CNOT1: variants seen among roughly 807,000 people sequenced by gnomAD.
CNOT1 encodes CCR4-associated factor 1.
In CNOT1, 15 loss-of-function variants were observed where a neutral mutation model predicts 273.8. That is an observed-to-expected ratio of 0.05 (90% confidence interval 0.04 to 0.08). CNOT1 has a LOEUF of 0.08. Among genes scored for constraint, CNOT1 ranks in the 10% least tolerant of loss-of-function variants. The probability of loss-of-function intolerance (pLI) is 1.00; values close to 1 mark genes in which losing one functional copy is unlikely to be tolerated. For missense variants in CNOT1, 1,644 were observed against 2,912.2 expected (o/e 0.56, Z 10.02); for synonymous variants, 1,022 against 1,005.5 (o/e 1.02, Z -0.31).
rs747169412 is a variant in CNOT1, at chr16:58,574,751, T to A, written c.1837A>T (p.Ile613Phe). The part of the protein sequence containing the change: ...DKIREHGEPF[I>F]QACMTFLKRR... ...TTTAAAAAAGTCATACACGCCTGGA[T>A]AAAAGGCTCCTGAAGAATAGAAAAG... is the stretch of plus-strand genomic sequence containing the variant. Residue 613 changes from isoleucine (I) to phenylalanine (F), a missense_variant, in exon 16 of 49, where the codon ATC becomes TTC. Ile to Phe is a conservative substitution (Grantham distance 21, BLOSUM62 0). Transcript: ENST00000317147. 2 of 1,593,990 alleles carry A rather than the reference T, an allele frequency of 1.3e-6. No homozygotes were observed. Among genetic ancestry groups the A allele is most frequent in the Non-Finnish European group, 1.7e-6 (2 of 1,175,848 alleles).
Position 58,558,692 on chromosome 16 carries a change from A to C in CNOT1, c.2131-18T>G, listed in dbSNP as rs1199243791. 6.2e-7 allele frequency: 1 copy of C among 1,608,636 alleles called. No homozygotes were observed. Among genetic ancestry groups the C allele is most frequent in the Non-Finnish European group, 8.5e-7 (1 of 1,177,254 alleles). On this transcript the variant is annotated intron_variant, in intron 17 of 48. Coordinates refer to ENST00000317147, the MANE Select transcript of CNOT1 (RefSeq NM_016284.5). ...GGGTCAATCTAAAGAAAAACATTAT[A>C]AAAATGTATTAAACATACTTCGAGG...
At chr16:58,606,802 TC>T (rs1233567319) in intron 1 of CNOT1, among the ~76,000 whole-genome samples, 1 of 147,396 alleles carries the variant, frequency 6.8e-6, no homozygotes, top group Admixed American at 6.8e-5. Context: ...AGACACCGTA[TC>T]AAAAAAAAAG....
At position 58,547,055 on chromosome 16, in the gene CNOT1, A is replaced by G. The variant is rs1231346718; in HGVS notation, c.3750+131T>C. 1.5e-6 allele frequency: 2 copies of G among 1,294,814 alleles called. No homozygotes were observed. The highest frequency in any genetic ancestry group is 5.0e-5 in the East Asian group (2 of 40,206). The allele number at this position is 1,294,814 out of a possible 1,614,324, so 80.2% of individuals were successfully genotyped here. A position where few individuals can be genotyped will look rare whatever the true frequency, so the allele number is the denominator to read the frequency against. ...ACCCAGCCTCTCAAATTGGAAATCCAAGTGCCATAGAGGAAAACAGACTTA... is the reference window on the plus strand; with the variant it reads ...ACCCAGCCTCTCAAATTGGAAATCCGAGTGCCATAGAGGAAAACAGACTTA... On this transcript the variant is annotated intron_variant, in intron 27 of 48. Coordinates refer to ENST00000317147, the MANE Select transcript of CNOT1 (RefSeq NM_016284.5). This position sits in a 1 kb window ranked among gnomAD's most constrained non-coding sequence, Gnocchi z 4.0.
At chr16:58,557,622 CACA>C (rs1365215410) in intron 18 of CNOT1, among the ~76,000 whole-genome samples, 3 of 65,234 alleles carry the variant, frequency 4.6e-5, no homozygotes, top group African/African-American at 2.5e-4. Context: ...TACAAACAAC[CACA>C]ACAACAACAA....
chr16:58,601,676 CAT>C (rs1597568918), intron 1 of CNOT1, among the ~76,000 whole-genome samples: 1 of 141,786 alleles, frequency 7.1e-6, no homozygotes, highest in African/African-American at 2.6e-5. Flanking sequence ...ATAAAGGATA[CAT>C]AGTTTTATGT....
At chr16:58,532,617 C>T (rs758200687) in intron 40 of CNOT1, 5 of 705,618 alleles carry the variant, frequency 7.1e-6, no homozygotes, top group Non-Finnish European at 1.1e-5. Flanking sequence ...ATCCTTGGAC[C>T]ACACCTGAAT....
intron 4 of CNOT1, 68 bp downstream of exon 4, chr16:58,587,712 C>CAAGGCTTAGGGACTTTTTAGA: frequency 1.3e-6 from 2 of 1,517,884 alleles, no homozygotes; most frequent in South Asian, 2.4e-5. Context: ...ATTATGAGAT[C>CAAGGCTTAGGGACTTTTTAGA]AAGGCTTAGG....
chr16:58,565,972 G>C (rs1323448378), intron 16 of CNOT1, among the ~76,000 whole-genome samples: 1 of 146,552 alleles, frequency 6.8e-6, no homozygotes, highest in Non-Finnish European at 1.5e-5. Flanking sequence ...CAGTTGTTTT[G>C]TAGAATGTCC....
At chr16:58,585,839 T>C (rs2041814938) in intron 7 of CNOT1, among the ~76,000 whole-genome samples, 1 of 152,076 alleles carries the variant, frequency 6.6e-6, no homozygotes. Flanking sequence ...AAACAAACAA[T>C]TAGAATATCA....
At chr16:58,586,873 T>G (rs2041890559) in intron 6 of CNOT1, 125 bp from the exon 7 acceptor site, 1 of 1,121,276 alleles carries the variant, frequency 8.9e-7, no homozygotes, top group East Asian at 2.4e-5. Flanking sequence ...TCTCTAATGC[T>G]TTCTCTAGCT....
At chr16:58,629,264 C>T (rs961607447) in intron 1 of CNOT1, among the ~76,000 whole-genome samples, 3 of 152,138 alleles carry the variant, frequency 2.0e-5, no homozygotes, top group Non-Finnish European at 2.9e-5. Flanking sequence ...CAAACACGGT[C>T]CCCCCCGCCA....
At chr16:58,550,322 G>A (rs1013849272) in intron 24 of CNOT1, among the ~76,000 whole-genome samples, 4 of 152,074 alleles carry the variant, frequency 2.6e-5, no homozygotes, top group African/African-American at 7.2e-5. Context: ...CTTGAACAAG[G>A]ATTTGAACTA....
chr16:58,574,860 T>C (rs2041405884), intron 15 of CNOT1, 100 bp from the exon 16 acceptor site: 2 of 1,561,876 alleles, frequency 1.3e-6, no homozygotes, highest in South Asian at 2.4e-5. Flanking sequence ...CCAAAATAAG[T>C]AACATCTTCA....
intron 1 of CNOT1, among the ~76,000 whole-genome samples, chr16:58,602,481 A>G (rs1190289804): frequency 7.3e-6 from 1 of 136,252 alleles, no homozygotes; most frequent in African/African-American, 2.8e-5. Context: ...TAAACCTGAG[A>G]GGCGGAGGTT....
At chr16:58,560,185 G>C (rs1338981867) in intron 17 of CNOT1, 27 bp downstream of exon 17, 2 of 1,608,670 alleles carry the variant, frequency 1.2e-6, no homozygotes, top group African/African-American at 2.7e-5. Flanking sequence ...GGCAAATGAA[G>C]ATGTATCAAA....
intron 22 of CNOT1, among the ~76,000 whole-genome samples, chr16:58,553,435 C>A (rs1347685598): frequency 6.6e-6 from 1 of 152,136 alleles, no homozygotes; most frequent in Non-Finnish European, 1.5e-5. Flanking sequence ...GATTCCCACT[C>A]CAATTCCCTT....
chr16:58,543,255 C>A, intron 31 of CNOT1: 2 of 1,542,920 alleles, frequency 1.3e-6, no homozygotes, highest in Non-Finnish European at 1.7e-6. Flanking sequence ...CACTTTAAGT[C>A]ATTTTGTATC....
At chr16:58,558,720 A>G (rs1177148390) in intron 17 of CNOT1, 46 bp from the exon 18 acceptor site, 13 of 1,578,358 alleles carry the variant, frequency 8.2e-6, no homozygotes, top group Non-Finnish European at 1.1e-5. Flanking sequence ...CTTCGAGGAA[A>G]GGCAGACACA....
At chr16:58,523,284 G>A in intron 47 of CNOT1, 86 bp downstream of exon 47, 1 of 1,374,886 alleles carries the variant, frequency 7.3e-7, no homozygotes, top group South Asian at 1.6e-5. Context: ...GATTTTCACT[G>A]AACACTGAAA....
Sources: allele counts gnomAD v4.1 joint callset (sites outside exome capture counted in the v4.1 genomes callset), GRCh38; gene constraint gnomAD v4.1.1; non-coding constraint Gnocchi (gnomAD v3.1); transcripts MANE v1.5; gene names NCBI Gene and HGNC (gene_info 2026-07-23, HGNC 2026-07-21).